CWC27: variants seen among roughly 807,000 people sequenced by gnomAD.
CWC27 encodes CWC27 spliceosome associated cyclophilin.
A neutral mutation model predicts 63.6 loss-of-function variants in CWC27; 47 were observed. The observed-to-expected ratio is 0.74, with a 90% CI of 0.58 to 0.94. CWC27 has a LOEUF of 0.94. Among genes scored for constraint, CWC27 ranks in the 40% least tolerant of loss-of-function variants. CWC27 has a pLI of 0.00. For missense variants in CWC27, 495 were observed against 554.3 expected, an observed-to-expected ratio of 0.89 and a Z score of 1.07; for synonymous variants, 175 against 179.8, an observed-to-expected ratio of 0.97 and a Z score of 0.22.
intron 7 of CWC27, among the ~76,000 whole-genome samples, chr5:64,799,770 T>C (rs6449758): frequency 0.4 from 60,769 of 151,274 alleles, 13,521 homozygotes; most frequent in African/African-American, 0.59. Flanking sequence ...GGCTCTTCTA[T>C]ATCTTTTTTT....
intron 11 of CWC27, among the ~76,000 whole-genome samples, chr5:64,911,002 T>G (rs1384414980): frequency 6.6e-6 from 1 of 152,118 alleles, no homozygotes; most frequent in African/African-American, 2.4e-5. Context: ...CATACCTCAG[T>G]TGGAAATGCA....
intron 10 of CWC27, among the ~76,000 whole-genome samples, chr5:64,815,534 A>G (rs1024275038): frequency 5.9e-5 from 9 of 152,220 alleles, no homozygotes; most frequent in Non-Finnish European, 1.2e-4. Context: ...ACTGTTGGAA[A>G]AGATAATGCA....
At chr5:64,963,313 A>C (rs1748954397) in intron 11 of CWC27, among the ~76,000 whole-genome samples, 1 of 152,166 alleles carries the variant, frequency 6.6e-6, no homozygotes, top group Non-Finnish European at 1.5e-5. Context: ...AATTAAGGCA[A>C]TAAAAAAGAG....
intron 10 of CWC27, chr5:64,884,177 G>A (rs1747011633): frequency 6.6e-6 from 1 of 152,066 alleles, no homozygotes; most frequent in Admixed American, 6.6e-5. Context: ...AGCCAATTAG[G>A]GCTAGAATGG....
chr5:64,820,908 G>A (rs543897136), intron 10 of CWC27, among the ~76,000 whole-genome samples: 1 of 151,444 alleles, frequency 6.6e-6, no homozygotes, highest in African/African-American at 2.4e-5. Context: ...CAAAAATGAT[G>A]AAGTAAACTT....
At chr5:64,816,917 T>C (rs1298592055) in intron 10 of CWC27, among the ~76,000 whole-genome samples, 1 of 152,144 alleles carries the variant, frequency 6.6e-6, no homozygotes, top group Non-Finnish European at 1.5e-5. Flanking sequence ...CTCTTCTCAC[T>C]TTTGGCTGAT....
At chr5:64,953,435 GA>G (rs1345444944) in intron 11 of CWC27, among the ~76,000 whole-genome samples, 2 of 152,134 alleles carry the variant, frequency 1.3e-5, no homozygotes, top group East Asian at 3.9e-4. Context: ...TCAGAATACT[GA>G]ACCCAGTTCA....
chr5:64,876,672 G>C (rs1746801437), intron 10 of CWC27, among the ~76,000 whole-genome samples: 1 of 152,024 alleles, frequency 6.6e-6, no homozygotes, highest in South Asian at 2.1e-4. Flanking sequence ...TATTAGAGAA[G>C]ATCAGTGCTT....
At chr5:64,860,968 A>G (rs997523766) in intron 10 of CWC27, among the ~76,000 whole-genome samples, 8 of 152,326 alleles carry the variant, frequency 5.3e-5, no homozygotes, top group African/African-American at 1.9e-4. Context: ...AGATTTGGAT[A>G]AGGTACAAAT....
intron 2 of CWC27, among the ~76,000 whole-genome samples, chr5:64,780,301 C>A (rs1010951706): frequency 6.6e-6 from 1 of 151,910 alleles, no homozygotes; most frequent in Non-Finnish European, 1.5e-5. Context: ...ATCCATTCAT[C>A]CATTGATAGA....
chr5:64,877,933 C>T (rs1217983489), intron 10 of CWC27, among the ~76,000 whole-genome samples: 1 of 151,902 alleles, frequency 6.6e-6, no homozygotes, highest in Non-Finnish European at 1.5e-5. Context: ...CATCTCGCTG[C>T]TTCCTTAGTG....
intron 2 of CWC27, among the ~76,000 whole-genome samples, chr5:64,781,318 G>A (rs1326924116): frequency 6.6e-6 from 1 of 152,084 alleles, no homozygotes; most frequent in Non-Finnish European, 1.5e-5. Context: ...TCTTGAGGAG[G>A]GTGTATTGAT....
At chr5:64,804,407 G>A (rs1167497288) in intron 10 of CWC27, 21 bp downstream of exon 10, 10 of 1,559,586 alleles carry the variant, frequency 6.4e-6, no homozygotes, top group Admixed American at 2.0e-5. Flanking sequence ...TACTGTGCTA[G>A]ATATCAGAGT....
At chr5:64,832,487 A>G (rs1745550283) in intron 10 of CWC27, among the ~76,000 whole-genome samples, 1 of 151,582 alleles carries the variant, frequency 6.6e-6, no homozygotes, top group Non-Finnish European at 1.5e-5. Flanking sequence ...TCTTTCAAAT[A>G]TCGAGTATAC....
intron 11 of CWC27, among the ~76,000 whole-genome samples, chr5:64,902,401 G>A (rs766227741): frequency 6.6e-6 from 1 of 152,190 alleles, no homozygotes; most frequent in Non-Finnish European, 1.5e-5. Flanking sequence ...GGGCATGACT[G>A]TAGTGCAAAG....
At chr5:64,899,501 G>T (rs968424600) in intron 11 of CWC27, among the ~76,000 whole-genome samples, 2 of 152,132 alleles carry the variant, frequency 1.3e-5, no homozygotes, top group Non-Finnish European at 2.9e-5. Context: ...ACAATTTTTT[G>T]AGTATGAATC....
At chr5:64,972,656 T>A (rs1182988675) in intron 12 of CWC27, 1 of 453,188 alleles carries the variant, frequency 2.2e-6, no homozygotes, top group Non-Finnish European at 4.4e-6. Flanking sequence ...TAAGAAAAAG[T>A]ACATTATTAA....
intron 13 of CWC27, among the ~76,000 whole-genome samples, chr5:64,993,180 C>T (rs1749569469): frequency 1.3e-5 from 2 of 152,024 alleles, no homozygotes; most frequent in South Asian, 4.2e-4. Flanking sequence ...AGAGAGTGCT[C>T]AGGAAATAGT....
intron 7 of CWC27, among the ~76,000 whole-genome samples, chr5:64,791,088 G>A (rs1744064384): frequency 6.6e-6 from 1 of 152,174 alleles, no homozygotes; most frequent in Non-Finnish European, 1.5e-5. Flanking sequence ...GGGGAAGGCA[G>A]TTGGCCCGTT....
Sources: allele counts gnomAD v4.1 joint callset (sites outside exome capture counted in the v4.1 genomes callset), GRCh38; gene constraint gnomAD v4.1.1; transcripts MANE v1.5; gene names NCBI Gene and HGNC (gene_info 2026-07-23, HGNC 2026-07-21).